The following GRID2 variants were observed in gnomAD, a reference collection of about 807,000 sequenced individuals.
GRID2 encodes glutamate receptor ionotropic, delta-2.
In GRID2, 33 loss-of-function variants were observed where a neutral mutation model predicts 114.8. That is an observed-to-expected ratio of 0.29 (90% CI 0.22 to 0.38). GRID2 has a LOEUF of 0.38. Among genes scored for constraint, GRID2 ranks in the 10% least tolerant of loss-of-function variants. The pLI is 1.00. For synonymous variants in GRID2, 505 were observed against 449.9 expected (o/e 1.12, Z -1.55); for missense variants, 1,184 against 1,257.7 (o/e 0.94, Z 0.89).
intron 4 of GRID2, among the ~76,000 whole-genome samples, chr4:93,120,646 G>A (rs1256302587): frequency 6.6e-6 from 1 of 152,056 alleles, no homozygotes; most frequent in Non-Finnish European, 1.5e-5. Context: ...CCTAATGCAT[G>A]CAGAGCTTAA....
At chr4:93,407,044 A>G (rs1434580943) in intron 9 of GRID2, among the ~76,000 whole-genome samples, 1 of 152,178 alleles carries the variant, frequency 6.6e-6, no homozygotes, top group Non-Finnish European at 1.5e-5. Flanking sequence ...GACAAATCAC[A>G]TATGCTTTTC....
chr4:93,314,073 G>A (rs1756309317), intron 8 of GRID2, among the ~76,000 whole-genome samples: 1 of 152,220 alleles, frequency 6.6e-6, no homozygotes, highest in East Asian at 1.9e-4. Flanking sequence ...GGGAGGCCAA[G>A]GCGGGCGGAT....
At chr4:92,359,730 G>A (rs1051658112) in intron 1 of GRID2, among the ~76,000 whole-genome samples, 2 of 152,032 alleles carry the variant, frequency 1.3e-5, no homozygotes, top group African/African-American at 4.8e-5. Context: ...TCTCTGAAGT[G>A]GCACACCTGC....
intron 13 of GRID2, among the ~76,000 whole-genome samples, chr4:93,576,579 G>T (rs1357433522): frequency 6.6e-6 from 1 of 152,068 alleles, no homozygotes; most frequent in Non-Finnish European, 1.5e-5. Flanking sequence ...TTTTGCATTA[G>T]AAGCTATTAA....
intron 8 of GRID2, among the ~76,000 whole-genome samples, chr4:93,293,269 A>G (rs1753937807): frequency 6.6e-6 from 1 of 152,174 alleles, no homozygotes; most frequent in Non-Finnish European, 1.5e-5. Flanking sequence ...TCACAGGAGC[A>G]TTTATGTGGC....
chr4:93,453,316 AAGAGAGAGAGAGAGAGAG>A (rs3044025), intron 10 of GRID2, among the ~76,000 whole-genome samples: 48 of 127,188 alleles, frequency 3.8e-4, no homozygotes, highest in East Asian at 2.1e-3. Flanking sequence ...AGAGATGGGA[AAGAGAGAGAGAGAGAGAG>A]AGAGAGAGAG....
intron 11 of GRID2, among the ~76,000 whole-genome samples, chr4:93,472,689 T>A (rs28505855): frequency 0.24 from 36,933 of 152,120 alleles, 5,485 homozygotes; most frequent in Non-Finnish European, 0.34. Flanking sequence ...GGGGCCAGAT[T>A]GCAGACATGC....
Position 93,490,682 on chromosome 4 carries a change from G to T in GRID2, c.1902G>T (p.Met634Ile). ...CGACTCTGGCTACCCGAATGATGAT[G>T]GGGGCTTGGTGGCTATTTGCTTTGA... ...PYTTLATRMMMGAWWLFALIV... is the reference protein window; with the variant it reads ...PYTTLATRMMIGAWWLFALIV... Residue 634 changes from methionine to isoleucine, a missense_variant, in exon 12 of 16, where the codon ATG becomes ATT. By Grantham distance (10) the Met-to-Ile change is conservative (BLOSUM62 1). Around this residue, in one of 3 missense-constraint regions of GRID2, gnomAD observed 717 missense variants for 796.9 expected, o/e 0.90. Coordinates refer to ENST00000282020, the MANE Select transcript of GRID2 (RefSeq NM_001510.4). 24 of 1,610,304 alleles carry T rather than the reference G, an allele frequency of 1.5e-5. No individual in the cohort carries two copies. The highest frequency in any genetic ancestry group is 2.0e-5 in the Non-Finnish European group (24 of 1,177,210).
At chr4:92,974,045 T>C (rs1753692804) in intron 2 of GRID2, among the ~76,000 whole-genome samples, 2 of 152,138 alleles carry the variant, frequency 1.3e-5, no homozygotes, top group Non-Finnish European at 2.9e-5. Context: ...ACGACACTTT[T>C]CAAAAGAAGA....
At chr4:93,083,627 C>T (rs866559614) in intron 2 of GRID2, among the ~76,000 whole-genome samples, 1 of 140,614 alleles carries the variant, frequency 7.1e-6, no homozygotes, top group South Asian at 2.3e-4. Flanking sequence ...ACCCAGGATG[C>T]GGAAGTTGCT....
chr4:92,912,499 AAT>A (rs1048974871), intron 2 of GRID2, among the ~76,000 whole-genome samples: 1 of 151,866 alleles, frequency 6.6e-6, no homozygotes, highest in African/African-American at 2.4e-5. Flanking sequence ...ACAGAAAAAA[AAT>A]GTTTATCATT....
intron 8 of GRID2, among the ~76,000 whole-genome samples, chr4:93,334,063 A>T (rs1420537869): frequency 6.6e-6 from 1 of 152,178 alleles, no homozygotes; most frequent in African/African-American, 2.4e-5. Flanking sequence ...CTTTCTTTTA[A>T]TGTGGACATA....
At chr4:93,703,522 T>C (rs1322027067) in intron 14 of GRID2, among the ~76,000 whole-genome samples, 1 of 152,096 alleles carries the variant, frequency 6.6e-6, no homozygotes, top group Non-Finnish European at 1.5e-5. Context: ...TACTTTAAGT[T>C]TTAGAGTGCA....
At chr4:93,548,748 A>C (rs1733480299) in intron 13 of GRID2, among the ~76,000 whole-genome samples, 1 of 152,212 alleles carries the variant, frequency 6.6e-6, no homozygotes, top group Non-Finnish European at 1.5e-5. Context: ...TCCCATTTCT[A>C]AAGTCACAGT....
chr4:93,201,005 G>A (rs1366451272), intron 4 of GRID2, among the ~76,000 whole-genome samples: 1 of 152,036 alleles, frequency 6.6e-6, no homozygotes, highest in East Asian at 1.9e-4. Flanking sequence ...TATTGTGTGG[G>A]CACTATCATT....
chr4:92,837,988 A>C (rs17019923), intron 2 of GRID2, among the ~76,000 whole-genome samples: 1,538 of 152,198 alleles, frequency 0.01, 36 homozygotes, highest in African/African-American at 0.035. Context: ...GCATTCAATT[A>C]AAATAATGTT....
chr4:92,347,304 G>A (rs998226667), intron 1 of GRID2, among the ~76,000 whole-genome samples: 22 of 152,206 alleles, frequency 1.4e-4, no homozygotes, highest in African/African-American at 5.3e-4. Flanking sequence ...TAAAGTGTGT[G>A]TGAGGCTATG....
chr4:93,420,720 TA>T (rs1401222590), intron 9 of GRID2, among the ~76,000 whole-genome samples: 1 of 139,518 alleles, frequency 7.2e-6, no homozygotes, highest in Non-Finnish European at 1.5e-5. Flanking sequence ...TTTGTTTATT[TA>T]TTATTTTTAC....
intron 2 of GRID2, among the ~76,000 whole-genome samples, chr4:92,765,014 T>G (rs925321390): frequency 8.5e-5 from 13 of 152,184 alleles, no homozygotes; most frequent in Middle Eastern, 3.2e-3. Context: ...TATAACACTT[T>G]TAAAAAATTC....
Sources: gnomAD v4.1 joint callset for allele counts (sites outside exome capture counted in the v4.1 genomes callset) on GRCh38, gnomAD v4.1.1 for gene constraint, gnomAD v4.1.1 regional missense constraint, MANE v1.5 for transcripts, NCBI Gene and HGNC (gene_info 2026-07-23, HGNC 2026-07-21) for gene names.